Variants in FBXW4 observed in about 807,000 individuals in gnomAD.
The protein encoded by FBXW4 is F-box/WD repeat-containing protein 4.
In FBXW4, 40 loss-of-function variants were observed where a neutral mutation model predicts 61.8. That is an observed-to-expected ratio of 0.65 (90% CI 0.50 to 0.84). The LOEUF (loss-of-function observed/expected upper bound fraction) is 0.84, where lower values mean the gene tolerates loss of function less well. Ranked by LOEUF, FBXW4 falls within the 40% of genes least tolerant of loss-of-function variation. The pLI is 0.00. For missense variants in FBXW4, 672 were observed against 753.8 expected (o/e 0.89, Z 1.27); for synonymous variants, 311 against 313.8 (o/e 0.99, Z 0.10).
intron 5 of FBXW4, among the ~76,000 whole-genome samples, chr10:101,653,236 C>G (rs979081948): frequency 1.3e-5 from 2 of 152,178 alleles, no homozygotes; most frequent in African/African-American, 2.4e-5. Flanking sequence ...CGAGTCTGGT[C>G]CCTTCCTGCT....
chr10:101,623,839 A>G (rs947462397), intron 6 of FBXW4, among the ~76,000 whole-genome samples: 2 of 152,222 alleles, frequency 1.3e-5, no homozygotes, highest in Non-Finnish European at 2.9e-5. Context: ...AAAGTGACAT[A>G]TTGTATGATT....
At chr10:101,633,706 C>A (rs1221674329) in intron 5 of FBXW4, among the ~76,000 whole-genome samples, 2 of 152,030 alleles carry the variant, frequency 1.3e-5, no homozygotes, top group Non-Finnish European at 2.9e-5. Flanking sequence ...TTATTATATA[C>A]CAGCAATAAC....
intron 5 of FBXW4, among the ~76,000 whole-genome samples, chr10:101,641,557 G>A (rs1480759235): frequency 6.6e-6 from 1 of 151,972 alleles, no homozygotes; most frequent in Non-Finnish European, 1.5e-5. Context: ...CCCTCTGAGT[G>A]ACATGTGCAC....
At position 101,694,739 on chromosome 10, in the gene FBXW4, A is replaced by G. The variant is rs2064657915; in HGVS notation, c.367T>C (p.Trp123Arg). ...TCCCGCCGCCTAGCCCTGACCCTCC[A>G]TTCCTCCTTCTTCCCATACTCTCTT... ...QGREYGKKEE[W>R]RVRARRREGA... Residue 123 changes from tryptophan (W) to arginine (R), a missense_variant, in exon 1 of 9, where the codon TGG becomes CGG. Trp to Arg is a moderately radical substitution (Grantham distance 101). This residue lies in a region of FBXW4 where 311 missense variants were observed against 301.1 expected (regional missense o/e 1.03). Coordinates refer to ENST00000331272, the MANE Select transcript of FBXW4 (RefSeq NM_022039.4). This position sits in a 1 kb window ranked among gnomAD's most constrained non-coding sequence, Gnocchi z 6.0. 1 of 1,362,054 alleles carries G rather than the reference A, an allele frequency of 7.3e-7. No homozygotes were observed. Among genetic ancestry groups the G allele is most frequent in the Non-Finnish European group, 9.4e-7 (1 of 1,065,962 alleles). 84.4% of individuals were successfully genotyped at this position (1,362,054 alleles called of 1,614,324 possible).
rs117272332 is a variant in FBXW4 at position 101,692,417 on chromosome 10, A to G, written c.725+1964T>C. Reference sequence around the variant, plus strand: ...TAGACAACAATAGTAAGTTGAATTCACCTCTTGCACCAAAAGTGATATTGA... The same window carrying G: ...TAGACAACAATAGTAAGTTGAATTCGCCTCTTGCACCAAAAGTGATATTGA... On this transcript the variant is annotated intron_variant, in intron 1 of 8. Transcript: ENST00000331272. Among the ~76,000 whole-genome samples the G allele has an allele frequency of 6.0e-3, 915 of 152,174 alleles. 6 individuals are homozygous for G. The highest frequency in any genetic ancestry group is 9.2e-3 in the Non-Finnish European group (623 of 68,006).
At chr10:101,612,626 A>C in intron 6 of FBXW4, 149 bp from the exon 7 acceptor site, 1 of 882,762 alleles carries the variant, frequency 1.1e-6, no homozygotes. Flanking sequence ...GAGATGCCCA[A>C]TTCCTACCCA....
intron 5 of FBXW4, among the ~76,000 whole-genome samples, chr10:101,645,825 A>T (rs2064091270): frequency 6.6e-6 from 1 of 152,186 alleles, no homozygotes; most frequent in Admixed American, 6.5e-5. Flanking sequence ...AGGCAAGCAG[A>T]CAGAGTAGCA....
intron 6 of FBXW4, among the ~76,000 whole-genome samples, chr10:101,620,192 C>T (rs925839434): frequency 1.3e-5 from 2 of 152,236 alleles, no homozygotes; most frequent in Admixed American, 1.3e-4. Flanking sequence ...CAAGTCCTGC[C>T]GGCAATGCTG....
chr10:101,631,794 A>G (rs944345207), intron 5 of FBXW4, among the ~76,000 whole-genome samples: 59 of 152,080 alleles, frequency 3.9e-4, no homozygotes, highest in African/African-American at 1.3e-3. Flanking sequence ...CGCCTGGCTA[A>G]TTTTTTGTAT....
chr10:101,617,941 G>C (rs1168772894), intron 6 of FBXW4, among the ~76,000 whole-genome samples: 1 of 152,232 alleles, frequency 6.6e-6, no homozygotes, highest in Non-Finnish European at 1.5e-5. Context: ...AAGGAGAAGG[G>C]AGGTACTTTA....
chr10:101,657,495 G>A (rs1161870072), intron 5 of FBXW4, among the ~76,000 whole-genome samples: 1 of 152,004 alleles, frequency 6.6e-6, no homozygotes, highest in Non-Finnish European at 1.5e-5. Context: ...TTAGCTGGGT[G>A]TGGTGATGCT....
intron 5 of FBXW4, among the ~76,000 whole-genome samples, chr10:101,634,713 C>A (rs2063986534): frequency 6.7e-6 from 1 of 148,418 alleles, no homozygotes; most frequent in Admixed American, 6.7e-5. Context: ...TAGAAGCCTA[C>A]CTCCCAGCAG....
At chr10:101,683,409 CG>C in intron 1 of FBXW4, among the ~76,000 whole-genome samples, 1 of 152,300 alleles carries the variant, frequency 6.6e-6, no homozygotes, top group South Asian at 2.1e-4. Context: ...CTCAGCTTTC[CG>C]GCACTTAGTA....
At chr10:101,693,561 T>C (rs1328123900) in intron 1 of FBXW4, among the ~76,000 whole-genome samples, 1 of 152,218 alleles carries the variant, frequency 6.6e-6, no homozygotes, top group Non-Finnish European at 1.5e-5. Context: ...GCTTTTTATG[T>C]TTTTAAAAAC....
chr10:101,650,257 G>A (rs1279345564), intron 5 of FBXW4, among the ~76,000 whole-genome samples: 1 of 152,206 alleles, frequency 6.6e-6, no homozygotes, highest in Non-Finnish European at 1.5e-5. Context: ...CTAGTTCCTA[G>A]GGACATTCCC....
At chr10:101,659,604 C>T (rs754291175) in intron 5 of FBXW4, among the ~76,000 whole-genome samples, 1 of 152,136 alleles carries the variant, frequency 6.6e-6, no homozygotes, top group Non-Finnish European at 1.5e-5. Flanking sequence ...GGGAAGGAGA[C>T]CAGAGCAGGG....
At chr10:101,671,845 C>A (rs1293806507) in intron 4 of FBXW4, among the ~76,000 whole-genome samples, 3 of 152,174 alleles carry the variant, frequency 2.0e-5, no homozygotes, top group Admixed American at 6.5e-5. Flanking sequence ...AAAAGATATG[C>A]TGGATTTTTC....
intron 5 of FBXW4, among the ~76,000 whole-genome samples, chr10:101,665,548 AG>A (rs1346242223): frequency 6.6e-6 from 1 of 152,230 alleles, no homozygotes; most frequent in Non-Finnish European, 1.5e-5. Context: ...ACCTTAGCAG[AG>A]GGTCTGGCAC....
chr10:101,677,871 T>A (rs933760463), intron 1 of FBXW4, among the ~76,000 whole-genome samples: 51 of 152,186 alleles, frequency 3.4e-4, no homozygotes, highest in Non-Finnish European at 5.0e-4. Flanking sequence ...CTGTATATAT[T>A]TTTTTCTTAA....
Sources: allele counts gnomAD v4.1 joint callset (sites outside exome capture counted in the v4.1 genomes callset), GRCh38; gene constraint gnomAD v4.1.1; regional missense constraint gnomAD v4.1.1; non-coding constraint Gnocchi (gnomAD v3.1); transcripts MANE v1.5; gene names NCBI Gene and HGNC (gene_info 2026-07-23, HGNC 2026-07-21).